Variants in OR10H3 observed in about 807,000 individuals in gnomAD.
The protein encoded by OR10H3 is olfactory receptor family 10 subfamily H member 3.
A neutral mutation model predicts 11.1 loss-of-function variants in OR10H3; 15 were observed. The ratio of observed to expected loss-of-function variants is 1.36; its 90% confidence interval spans 0.91 to 2.09. The LOEUF (loss-of-function observed/expected upper bound fraction) is 2.09. OR10H3 is among the 30% of genes most tolerant of loss of function. OR10H3 has a pLI of 0.00. For missense variants in OR10H3, 403 were observed against 391.5 expected (o/e 1.03, Z -0.25); for synonymous variants, 149 against 142.1 (o/e 1.05, Z -0.35).
intron 1 of OR10H3, among the ~76,000 whole-genome samples, chr19:15,740,160 G>A (rs1328397865): frequency 6.6e-6 from 1 of 151,952 alleles, no homozygotes; most frequent in East Asian, 1.9e-4. Flanking sequence ...CTATTTAGGA[G>A]ACTGAGAAGA....
Position 15,742,297 on chromosome 19 carries a change from C to A in OR10H3, c.905C>A (p.Ala302Asp). The A allele has an allele frequency of 2.5e-6, 4 of 1,613,874 alleles. No individual in the cohort carries two copies. Among genetic ancestry groups the A allele is most frequent in the Non-Finnish European group, 3.4e-6 (4 of 1,179,940 alleles). Residue 302 changes from alanine to aspartate, a missense_variant, in exon 2 of 2, where the codon GCC becomes GAC. Transcript: ENST00000641646. ...FSLRNKELKN[A>D]INKNFCRRFC... ...CTAAGGAACAAGGAGCTGAAGAATG[C>A]CATAAATAAAAACTTTTGCAGAAGG...
intron 1 of OR10H3, among the ~76,000 whole-genome samples, chr19:15,739,666 G>A (rs2008676669): frequency 6.6e-6 from 1 of 152,092 alleles, no homozygotes; most frequent in South Asian, 2.1e-4. Flanking sequence ...ACTCCAGCCT[G>A]GGTGACAGAG....
chr19:15,737,995 C>A lies in OR10H3; in HGVS notation c.-68C>A. ...TACCTTAGATAACTTGTTTCTTTCC[C>A]TTACCTTATACCATCACTCACGAAT... On this transcript the variant is annotated 5_prime_UTR_variant, in exon 1 of 2. Transcript: ENST00000641646. The A allele has an allele frequency of 6.5e-6, 1 of 152,694 alleles. No individual in the cohort carries two copies. Among genetic ancestry groups the A allele is most frequent in the South Asian group, 1.9e-4 (1 of 5,206 alleles). The allele number at this position is 152,694 out of a possible 1,614,324, so 9.5% of individuals were successfully genotyped here. A position where few individuals can be genotyped will look rare whatever the true frequency, so the allele number is the denominator to read the frequency against.
At chr19:15,739,116 T>C (rs181053659) in intron 1 of OR10H3, among the ~76,000 whole-genome samples, 1 of 152,258 alleles carries the variant, frequency 6.6e-6, no homozygotes, top group African/African-American at 2.4e-5. Context: ...ATAGTTATCT[T>C]CCAAACACAT....
Position 15,742,101 on chromosome 19 carries a change from C to A in OR10H3, c.709C>A (p.His237Asn), listed in dbSNP as rs748333217. The A allele has an allele frequency of 2.1e-4, 337 of 1,614,138 alleles. 1 individual carries two copies. The Admixed American group carries it at 5.6e-3, about 27-fold the overall frequency. ...ILRIPSAEGR[H>N]KTFSTCVSHL... Reference sequence around the variant, plus strand: ...GAGGATTCCTTCTGCTGAGGGCCGGCACAAGACTTTCTCCACTTGTGTATC... The same window carrying A: ...GAGGATTCCTTCTGCTGAGGGCCGGAACAAGACTTTCTCCACTTGTGTATC... Residue 237 changes from histidine (H) to asparagine (N), a missense_variant, in exon 2 of 2, where the codon CAC becomes AAC. Coordinates refer to ENST00000641646, the MANE Select transcript of OR10H3 (RefSeq NM_013938.2).
intron 1 of OR10H3, among the ~76,000 whole-genome samples, chr19:15,738,949 T>G (rs958360764): frequency 6.6e-6 from 1 of 152,100 alleles, no homozygotes; most frequent in African/African-American, 2.4e-5. Context: ...ATTTTTTTCT[T>G]GAGGCAGTTT....
chr19:15,739,893 T>C (rs1360794514), intron 1 of OR10H3, among the ~76,000 whole-genome samples: 1 of 152,054 alleles, frequency 6.6e-6, no homozygotes. Flanking sequence ...GTGTGAGATG[T>C]AAAAATCTTG....
intron 1 of OR10H3, among the ~76,000 whole-genome samples, chr19:15,738,658 C>T (rs1468421274): frequency 3.3e-5 from 5 of 151,656 alleles, no homozygotes; most frequent in Non-Finnish European, 5.9e-5. Context: ...TTTAGAGAGA[C>T]GATCTTTGAC....
intron 1 of OR10H3, among the ~76,000 whole-genome samples, chr19:15,739,367 AT>A (rs1278759796): frequency 6.6e-6 from 1 of 152,186 alleles, no homozygotes; most frequent in Non-Finnish European, 1.5e-5. Flanking sequence ...AATAAATTGC[AT>A]TTCTGAACTC....
In OR10H3 at chr19:15,741,999, C is replaced by G. The variant is rs2008707257; in HGVS notation, c.607C>G (p.Leu203Val). Residue 203 changes from leucine (L) to valine (V), a missense_variant, in exon 2 of 2, where the codon CTG becomes GTG. By Grantham distance (32) the Leu-to-Val change is conservative. Transcript: ENST00000641646. Reference protein sequence around the residue: ...KTSSVIMGVMLVCVTALIGCL... With the variant: ...KTSSVIMGVMVVCVTALIGCL... Reference sequence around the variant, plus strand: ...ATCATCTGTCATCATGGGTGTGATGCTGGTGTGTGTCACAGCCCTGATAGG... The same window carrying G: ...ATCATCTGTCATCATGGGTGTGATGGTGGTGTGTGTCACAGCCCTGATAGG... The G allele has an allele frequency of 1.9e-6, 3 of 1,614,026 alleles. No individual in the cohort carries two copies. The highest frequency in any genetic ancestry group is 2.5e-6 in the Non-Finnish European group (3 of 1,180,040).
At chr19:15,738,984 A>AT (rs1434413406) in intron 1 of OR10H3, among the ~76,000 whole-genome samples, 2 of 151,990 alleles carry the variant, frequency 1.3e-5, no homozygotes, top group African/African-American at 4.8e-5. Context: ...TTTGAGCTGT[A>AT]TATTTCCTTC....
In OR10H3 at chr19:15,741,550, AACGCAG is replaced by A; in HGVS notation, c.161_166del (p.Arg54_Arg55del). On this transcript the variant is annotated inframe_deletion, in exon 2 of 2. Transcript: ENST00000641646. ...CTTATCATGGCCACAGTTTGGATTG[AACGCAG>A]ACTCCACACACCCATGTACCTCTTC... 1 of 1,614,172 alleles carries A rather than the reference AACGCAG, an allele frequency of 6.2e-7. No homozygotes were observed. Among genetic ancestry groups the A allele is most frequent in the Non-Finnish European group, 8.5e-7 (1 of 1,180,006 alleles).
chr19:15,740,762 G>A lies in OR10H3; in HGVS notation c.-11-620G>A, dbSNP rs58909557. On this transcript the variant is annotated intron_variant, in intron 1 of 1. Coordinates refer to ENST00000641646, the MANE Select transcript of OR10H3 (RefSeq NM_013938.2). ...AGGTGTATTGTATTAGAGACCTTGC[G>A]ATCATTGTTTCCTTAAATTCCACTT... 4.9e-3 allele frequency among the ~76,000 whole-genome samples: 751 copies of A among 152,260 alleles called. 7 individuals are homozygous for A. Among genetic ancestry groups the A allele is most frequent in the African/African-American group, 0.017 (710 of 41,542 alleles).
Position 15,741,584 on chromosome 19 carries a change from G to C in OR10H3, c.192G>C (p.Leu64Phe), listed in dbSNP as rs115417063. Residue 64 changes from leucine to phenylalanine, a missense_variant, in exon 2 of 2, where the codon TTG becomes TTC. Transcript: ENST00000641646. ...RRLHTPMYLF[L>F]CALSISEILF... ...TCCACACACCCATGTACCTCTTCTT[G>C]TGTGCCCTCTCCATCTCTGAGATTC... 6.2e-7 allele frequency: 1 copy of C among 1,614,082 alleles called. No homozygotes were observed. The highest frequency in any genetic ancestry group is 8.5e-7 in the Non-Finnish European group (1 of 1,180,016).
chr19:15,741,646 A>C lies in OR10H3; in HGVS notation c.254A>C (p.Asp85Ala). Residue 85 changes from aspartate to alanine, a missense_variant, in exon 2 of 2, where the codon GAT becomes GCT. Transcript: ENST00000641646. ...TVAITPRMLA[D>A]LLFTHRSITF... is the part of the protein sequence containing the mutation. ...GCCATCACCCCTCGCATGCTGGCTGATCTGCTCTTCACCCATCGTTCCATC... is the reference window on the plus strand; with the variant it reads ...GCCATCACCCCTCGCATGCTGGCTGCTCTGCTCTTCACCCATCGTTCCATC... 1 of 1,614,156 alleles carries C rather than the reference A, an allele frequency of 6.2e-7. No individual in the cohort carries two copies. The highest frequency in any genetic ancestry group is 8.5e-7 in the Non-Finnish European group (1 of 1,180,036).
intron 1 of OR10H3, among the ~76,000 whole-genome samples, chr19:15,739,502 C>A (rs1408668407): frequency 6.6e-6 from 1 of 151,898 alleles, no homozygotes; most frequent in Non-Finnish European, 1.5e-5. Flanking sequence ...ACCAGCCTGG[C>A]CAACATGGTG....
In OR10H3 at chr19:15,742,321, G is replaced by T. The variant is rs865944404; in HGVS notation, c.929G>T (p.Arg310Met). ...KNAINKNFCRRFCPLSS is the reference protein window; with the variant it reads ...KNAINKNFCRMFCPLSS ...GCCATAAATAAAAACTTTTGCAGAAGGTTCTGCCCTCTAAGCTCCTAATGG... is the reference window on the plus strand; with the variant it reads ...GCCATAAATAAAAACTTTTGCAGAATGTTCTGCCCTCTAAGCTCCTAATGG... The change falls in exon 2 of 2, where the codon AGG becomes ATG. Residue 310 changes from arginine to methionine, a missense_variant. Arg to Met is a moderately conservative substitution (Grantham distance 91). Coordinates refer to ENST00000641646, the MANE Select transcript of OR10H3 (RefSeq NM_013938.2). 3 of 1,613,464 alleles carry T rather than the reference G, an allele frequency of 1.9e-6. No homozygotes were observed. Among genetic ancestry groups the T allele is most frequent in the Non-Finnish European group, 2.5e-6 (3 of 1,179,714 alleles).
At chr19:15,738,479 G>A (rs902526343) in intron 1 of OR10H3, among the ~76,000 whole-genome samples, 3 of 151,676 alleles carry the variant, frequency 2.0e-5, no homozygotes, top group Non-Finnish European at 2.9e-5. Context: ...GAAGATTCTT[G>A]CCTGATTTTA....
In OR10H3 at chr19:15,741,645, G is replaced by C. The variant is rs769464121; in HGVS notation, c.253G>C (p.Asp85His). The C allele has an allele frequency of 1.2e-6, 2 of 1,614,218 alleles. No homozygotes were observed. The highest frequency in any genetic ancestry group is 1.1e-5 in the South Asian group (1 of 91,078). ...TGCCATCACCCCTCGCATGCTGGCTGATCTGCTCTTCACCCATCGTTCCAT... is the reference window on the plus strand; with the variant it reads ...TGCCATCACCCCTCGCATGCTGGCTCATCTGCTCTTCACCCATCGTTCCAT... ...TVAITPRMLA[D>H]LLFTHRSITF... The change falls in exon 2 of 2, where the codon GAT (aspartate) becomes CAT (histidine). Residue 85 changes from aspartate (D) to histidine (H), a missense_variant. Transcript: ENST00000641646.
Sources: allele counts gnomAD v4.1 joint callset (sites outside exome capture counted in the v4.1 genomes callset), GRCh38; gene constraint gnomAD v4.1.1; transcripts MANE v1.5; gene names NCBI Gene and HGNC (gene_info 2026-07-23, HGNC 2026-07-21).